RGMA: variants seen among roughly 807,000 people sequenced by gnomAD.
RGMA encodes the protein repulsive guidance molecule A.
A neutral mutation model predicts 23.2 loss-of-function variants in RGMA; 10 were observed. The ratio of observed to expected loss-of-function variants is 0.43; its 90% CI spans 0.27 to 0.73. RGMA has a LOEUF of 0.73. Ranked by LOEUF, RGMA falls within the 30% of genes least tolerant of loss-of-function variation. The probability of loss-of-function intolerance (pLI) is 0.20; values close to 1 mark genes in which losing one functional copy is unlikely to be tolerated. For synonymous variants in RGMA, 308 were observed against 279.3 expected (o/e 1.10, Z -1.03); for missense variants, 547 against 630.5 (o/e 0.87, Z 1.42).
chr15:93,079,275 T>C (rs1895520875), intron 1 of RGMA, among the ~76,000 whole-genome samples: 1 of 152,228 alleles, frequency 6.6e-6, no homozygotes, highest in Non-Finnish European at 1.5e-5. Context: ...CTGGAGAGAC[T>C]TACTATTGTA....
chr15:93,073,148 G>A (rs1250195261), intron 1 of RGMA, 117 bp from the exon 2 acceptor site: 18 of 1,244,214 alleles, frequency 1.4e-5, no homozygotes, highest in East Asian at 3.4e-5. Flanking sequence ...GGCCGCGGGC[G>A]CCCGGCGCGC....
chr15:93,051,842 T>C (rs2054924452), intron 3 of RGMA, 151 bp downstream of exon 3: 1 of 802,972 alleles, frequency 1.2e-6, no homozygotes, highest in South Asian at 1.8e-5. Context: ...ACCCACCCCC[T>C]TGGGATGCTC....
At chr15:93,051,034 A>G (rs1475677968) in intron 3 of RGMA, among the ~76,000 whole-genome samples, 1 of 152,130 alleles carries the variant, frequency 6.6e-6, no homozygotes, top group Non-Finnish European at 1.5e-5. Context: ...AGTCTTCTCC[A>G]TTAGGTGTCA....
At chr15:93,051,295 T>G (rs2054914773) in intron 3 of RGMA, among the ~76,000 whole-genome samples, 1 of 152,178 alleles carries the variant, frequency 6.6e-6, no homozygotes, top group Admixed American at 6.5e-5. Context: ...GCCTTCCAAC[T>G]GGCTCTTCCT....
intron 2 of RGMA, among the ~76,000 whole-genome samples, chr15:93,072,206 G>A (rs147603356): frequency 2.0e-4 from 30 of 152,282 alleles, no homozygotes; most frequent in Middle Eastern, 3.4e-3. Context: ...AAAAACAAGA[G>A]GTCCGGGCTC....
chr15:93,081,477 G>A lies in RGMA; in HGVS notation c.14+7442C>T, dbSNP rs146773824. On this transcript the variant is annotated intron_variant, in intron 1 of 3. Transcript: ENST00000329082. Reference sequence around the variant, plus strand: ...CATACCTTAGAAACATTCAGCAACCGCCTGAAGTTTGAAAGCAGCTTTTGG... The same window carrying A: ...CATACCTTAGAAACATTCAGCAACCACCTGAAGTTTGAAAGCAGCTTTTGG... Among the ~76,000 whole-genome samples the A allele has an allele frequency of 6.6e-3, 999 of 152,224 alleles. 7 individuals carry two copies. The highest frequency in any genetic ancestry group is 0.014 in the Middle Eastern group (4 of 294).
In RGMA at chr15:93,040,287, C is replaced by T. The variant is rs913406701; in HGVS notation, c.*4711G>A. 3 of 152,318 alleles carry T rather than the reference C, an allele frequency of 2.0e-5. No individual in the cohort carries two copies. Among genetic ancestry groups the T allele is most frequent in the Non-Finnish European group, 2.9e-5 (2 of 68,116 alleles). The allele number at this position is 152,318 out of a possible 1,614,324, so 9.4% of individuals were successfully genotyped here. On this transcript the variant is annotated 3_prime_UTR_variant, in exon 4 of 4. Transcript: ENST00000329082. The stretch of plus-strand genomic sequence containing the variant: ...GCCCGTGAACGGCTTCCTCTGGCAA[C>T]TGGAGTCAAACATCAAGTCCTCCCG...
In RGMA at chr15:93,073,013, T is replaced by G; in HGVS notation, c.33A>C (p.Thr11=). 6.2e-7 allele frequency: 1 copy of G among 1,609,272 alleles called. No homozygotes were observed. Among genetic ancestry groups the G allele is most frequent in the Non-Finnish European group, 8.5e-7 (1 of 1,178,118 alleles). The change falls in exon 2 of 4, where the codon ACA becomes ACC. Residue 11 remains threonine, a synonymous_variant. Coordinates refer to ENST00000329082, the MANE Select transcript of RGMA (RefSeq NM_020211.3). Reference sequence around the variant, plus strand: ...CCATACCCATCCATCCAGCTCGGCCTGTTACCACTAGCCTCTCCCTGGAAG... The same window carrying G: ...CCATACCCATCCATCCAGCTCGGCCGGTTACCACTAGCCTCTCCCTGGAAG... The part of the protein sequence containing the change: MQPPRERLVV[T]GRAGWMGMGR...
At chr15:93,073,675 A>G in intron 1 of RGMA, 1 of 1,537,214 alleles carries the variant, frequency 6.5e-7, no homozygotes, top group Non-Finnish European at 8.7e-7. Context: ...CGAGTTGTCT[A>G]GGTCTGGGCA....
intron 2 of RGMA, among the ~76,000 whole-genome samples, chr15:93,055,283 T>G (rs1389727379): frequency 6.6e-6 from 1 of 152,154 alleles, no homozygotes; most frequent in Non-Finnish European, 1.5e-5. Context: ...CAGGTCCCAC[T>G]GCAACACAAG....
rs1567178342 is a variant in RGMA at position 93,045,719 on chromosome 15, G to C, written c.646-14C>G. The C allele has an allele frequency of 1.3e-6, 2 of 1,588,462 alleles. No homozygotes were observed. The highest frequency in any genetic ancestry group is 1.7e-6 in the Non-Finnish European group (2 of 1,169,408). On this transcript the variant is annotated splice_polypyrimidine_tract_variant and intron_variant, in intron 3 of 3. Coordinates refer to ENST00000329082, the MANE Select transcript of RGMA (RefSeq NM_020211.3). This position sits in a 1 kb window ranked among gnomAD's most constrained non-coding sequence, Gnocchi z 6.9. ...GATGATGGTGAGCTGCCGGGGAAAG[G>C]GGCAGAGGAGAGTGGGTGAGGCACA...
rs372685256 is a variant in RGMA at position 93,045,244 on chromosome 15, C to T, written c.1107G>A (p.Pro369=). ...AGGCCTGGTAGTACAGGTCCTCCAC[C>T]GGCAGCTTCTCCTTGCACTTGGCCA... ...TAVAKCKEKL[P]VEDLYYQACV... Residue 369 remains proline (P), a synonymous_variant, in exon 4 of 4, where the codon CCG becomes CCA. Coordinates refer to ENST00000329082, the MANE Select transcript of RGMA (RefSeq NM_020211.3). This position sits in a 1 kb window ranked among gnomAD's most constrained non-coding sequence, Gnocchi z 6.9. 3.3e-5 allele frequency: 53 copies of T among 1,612,926 alleles called. No homozygotes were observed. The highest frequency in any genetic ancestry group is 3.1e-4 in the African/African-American group (23 of 74,880).
At position 93,037,890 on chromosome 15, in the gene RGMA, C is replaced by T. The variant is rs2054677814; in HGVS notation, c.*7108G>A. ...GACATGAATGTTTTCGCCTTGGGAT[C>T]TGGGCTGCCTGGGATCACAGCCCTC... On this transcript the variant is annotated 3_prime_UTR_variant, in exon 4 of 4. Coordinates refer to ENST00000329082, the MANE Select transcript of RGMA (RefSeq NM_020211.3). This position sits in a 1 kb window ranked among gnomAD's most constrained non-coding sequence, Gnocchi z 4.3. The T allele has an allele frequency of 6.6e-6, 1 of 152,256 alleles. No homozygotes were observed. The highest frequency in any genetic ancestry group is 2.4e-5 in the African/African-American group (1 of 41,444). 9.4% of individuals were successfully genotyped at this position (152,256 alleles called of 1,614,324 possible). A position where few individuals can be genotyped will look rare whatever the true frequency, so the allele number is the denominator to read the frequency against.
rs1266436295 is a variant in RGMA, at chr15:93,050,572, G to A, written c.645+1421C>T. On this transcript the variant is annotated intron_variant, in intron 3 of 3. Coordinates refer to ENST00000329082, the MANE Select transcript of RGMA (RefSeq NM_020211.3). Reference sequence around the variant, plus strand: ...GGAAGCCTCCATGCTGGGATAGGAAGGGAAGTTCTCCCTCCACTGCTCCAC... The same window carrying A: ...GGAAGCCTCCATGCTGGGATAGGAAAGGAAGTTCTCCCTCCACTGCTCCAC... Among the ~76,000 whole-genome samples, 2 of 152,198 alleles carry A rather than the reference G, an allele frequency of 1.3e-5. 1 individual carries two copies. The highest frequency in any genetic ancestry group is 2.9e-5 in the Non-Finnish European group (2 of 68,010).
At position 93,087,246 on chromosome 15, in the gene RGMA, G is replaced by A. The variant is rs533290447; in HGVS notation, c.14+1673C>T. 7.9e-5 allele frequency among the ~76,000 whole-genome samples: 12 copies of A among 152,246 alleles called. No homozygotes were observed. In the South Asian group the frequency reaches 2.1e-3, roughly 26 times the overall value. On this transcript the variant is annotated intron_variant, in intron 1 of 3. Coordinates refer to ENST00000329082, the MANE Select transcript of RGMA (RefSeq NM_020211.3). Reference sequence around the variant, plus strand: ...CAGAACCGGGTGAGCCCAGCTCACTGCTAATATATTATCTGGCCTGGAAGG... The same window carrying A: ...CAGAACCGGGTGAGCCCAGCTCACTACTAATATATTATCTGGCCTGGAAGG...
rs1895682142 is a variant in RGMA, at chr15:93,088,615, G to A, written c.14+304C>T. On this transcript the variant is annotated intron_variant, in intron 1 of 3. Coordinates refer to ENST00000329082, the MANE Select transcript of RGMA (RefSeq NM_020211.3). ...CGGGGCTCCGCGAGCCGGGCTGAGG[G>A]AAGGAGCTCCCAGCCCGCACACGGT... 6 of 1,054,064 alleles carry A rather than the reference G, an allele frequency of 5.7e-6. No homozygotes were observed. The South Asian group carries it at 1.3e-4, about 23-fold the overall frequency. The allele number at this position is 1,054,064 out of a possible 1,614,324, so 65.3% of individuals were successfully genotyped here.
chr15:93,047,643 C>T (rs2054846036), intron 3 of RGMA, among the ~76,000 whole-genome samples: 1 of 151,972 alleles, frequency 6.6e-6, no homozygotes. Context: ...GGGGATCCCA[C>T]CCCAACCTGG....
At chr15:93,067,559 G>C (rs1396901374) in intron 2 of RGMA, among the ~76,000 whole-genome samples, 1 of 152,162 alleles carries the variant, frequency 6.6e-6, no homozygotes, top group African/African-American at 2.4e-5. Flanking sequence ...CCCGGCGTCG[G>C]GGGGGTCTGC....
chr15:93,088,850 C>G, intron 1 of RGMA, 69 bp downstream of exon 1: 2 of 1,392,720 alleles, frequency 1.4e-6, no homozygotes, highest in Non-Finnish European at 1.9e-6. Flanking sequence ...GCGCCGTGGC[C>G]CCGGCATGTG....
Sources: allele counts gnomAD v4.1 joint callset (sites outside exome capture counted in the v4.1 genomes callset), GRCh38; gene constraint gnomAD v4.1.1; non-coding constraint Gnocchi (gnomAD v3.1); transcripts MANE v1.5; gene names NCBI Gene and HGNC (gene_info 2026-07-23, HGNC 2026-07-21).